The following INTS9 variants were observed in gnomAD, a reference collection of about 807,000 sequenced individuals.
The protein encoded by INTS9 is integrator complex subunit 9, also known as protein related to CPSF subunits of 74 kDa.
INTS9 carries 55 observed loss-of-function variants against 79.7 expected under a neutral mutation model. The ratio of observed to expected loss-of-function variants is 0.69; its 90% CI spans 0.56 to 0.86. The LOEUF (loss-of-function observed/expected upper bound fraction) is 0.86, where lower values mean the gene tolerates loss of function less well. INTS9 is among the 40% of genes least tolerant of loss of function. The pLI is 0.00. For missense variants in INTS9, 721 were observed against 831.5 expected, an observed-to-expected ratio of 0.87 and a Z score of 1.64; for synonymous variants, 319 against 325.2, an observed-to-expected ratio of 0.98 and a Z score of 0.20.
chr8:28,847,291 C>T (rs1344313519), intron 3 of INTS9, among the ~76,000 whole-genome samples: 2 of 152,166 alleles, frequency 1.3e-5, no homozygotes, highest in African/African-American at 2.4e-5. Context: ...GGAGTCACAA[C>T]CCTACATAAA....
intron 1 of INTS9, among the ~76,000 whole-genome samples, chr8:28,879,968 C>T: frequency 6.6e-6 from 1 of 151,970 alleles, no homozygotes; most frequent in East Asian, 1.9e-4. Flanking sequence ...GAATGAGGCA[C>T]AACTCTGAAA....
At chr8:28,795,571 C>T (rs868756653) in intron 9 of INTS9, among the ~76,000 whole-genome samples, 3 of 131,864 alleles carry the variant, frequency 2.3e-5, no homozygotes, top group Admixed American at 1.8e-4. Flanking sequence ...ACCTGGGAGG[C>T]GGAGGTTGCA....
chr8:28,804,116 G>T (rs1804673203), intron 8 of INTS9, among the ~76,000 whole-genome samples: 1 of 151,982 alleles, frequency 6.6e-6, no homozygotes, highest in South Asian at 2.1e-4. Context: ...TAGAGACGGG[G>T]TCCCACTATA....
At chr8:28,873,903 AT>A (rs1467199096) in intron 1 of INTS9, among the ~76,000 whole-genome samples, 1 of 152,156 alleles carries the variant, frequency 6.6e-6, no homozygotes, top group African/African-American at 2.4e-5. Flanking sequence ...TTCCCTCCTT[AT>A]TCATATCTGG....
At chr8:28,879,497 GA>G (rs1335415578) in intron 1 of INTS9, among the ~76,000 whole-genome samples, 1 of 152,124 alleles carries the variant, frequency 6.6e-6, no homozygotes, top group Non-Finnish European at 1.5e-5. Context: ...TTCTTCCTAA[GA>G]TGAGGAACAA....
At chr8:28,851,191 G>A (rs2131259612) in intron 2 of INTS9, among the ~76,000 whole-genome samples, 1 of 152,190 alleles carries the variant, frequency 6.6e-6, no homozygotes, top group Non-Finnish European at 1.5e-5. Context: ...CAAAGTAAGG[G>A]TGCGGGACTA....
intron 1 of INTS9, among the ~76,000 whole-genome samples, chr8:28,878,364 G>C (rs1809503806): frequency 6.6e-6 from 1 of 152,030 alleles, no homozygotes; most frequent in South Asian, 2.1e-4. Flanking sequence ...TCAGGCTGGA[G>C]TGCAGTGGAG....
chr8:28,833,945 C>T (rs1806654270), intron 6 of INTS9, among the ~76,000 whole-genome samples: 1 of 152,164 alleles, frequency 6.6e-6, no homozygotes, highest in Non-Finnish European at 1.5e-5. Context: ...CAACTCACCT[C>T]TCCGGGATTG....
chr8:28,771,007 G>T lies in INTS9; in HGVS notation c.1637C>A (p.Thr546Asn). Reference sequence around the variant, plus strand: ...CTGAAGCAAGTGCTTGTTATCTTTGGTGTGCAGCACGGCCGAGACAGTTGC... The same window carrying T: ...CTGAAGCAAGTGCTTGTTATCTTTGTTGTGCAGCACGGCCGAGACAGTTGC... ...SLATVSAVLH[T>N]KDNKHLLQPP... The change falls in exon 15 of 17, where the codon ACC becomes AAC. Residue 546 changes from threonine (T) to asparagine (N), a missense_variant. By Grantham distance (65) the Thr-to-Asn change is moderately conservative (BLOSUM62 0). Around this residue, in one of 3 missense-constraint regions of INTS9, gnomAD observed 281 missense variants for 300.8 expected, o/e 0.93. Coordinates refer to ENST00000521022, the MANE Select transcript of INTS9 (RefSeq NM_018250.4). The T allele has an allele frequency of 2.5e-6, 4 of 1,613,530 alleles. No individual in the cohort carries two copies. The highest frequency in any genetic ancestry group is 3.4e-6 in the Non-Finnish European group (4 of 1,179,858).
chr8:28,777,679 G>T lies in INTS9; in HGVS notation c.1395+150C>A, dbSNP rs1470104013. The T allele has an allele frequency of 1.0e-5, 8 of 773,466 alleles. No homozygotes were observed. In the African/African-American group the frequency reaches 1.1e-4, roughly 11 times the overall value. The allele number at this position is 773,466 out of a possible 1,614,324, so 47.9% of individuals were successfully genotyped here. ...ACCACTCCTTTTCAGTGTGGAGGGG[G>T]GCTGGCATGTGTCCCAGCATTCTGC... On this transcript the variant is annotated intron_variant, in intron 13 of 16. Transcript: ENST00000521022.
chr8:28,874,890 G>A (rs12679353), intron 1 of INTS9, among the ~76,000 whole-genome samples: 11,495 of 152,268 alleles, frequency 0.075, 615 homozygotes, highest in South Asian at 0.23. Flanking sequence ...ACATACCTGA[G>A]ATTGGGCAGT....
Position 28,793,841 on chromosome 8 carries a change from T to C in INTS9, c.1003A>G (p.Ser335Gly), listed in dbSNP as rs1323353231. The change falls in exon 10 of 17, where the codon AGT becomes GGT. Residue 335 changes from serine (S) to glycine (G), a missense_variant. By Grantham distance (56) the Ser-to-Gly change is moderately conservative (BLOSUM62 0). This residue lies in a region of INTS9 where 149 missense variants were observed against 223.7 expected (regional missense o/e 0.67). Coordinates refer to ENST00000521022, the MANE Select transcript of INTS9 (RefSeq NM_018250.4). ...AAGATCTGGGAAAACTCCAGTGAACTGTTGGCCACAGGGGAGATGAAGTAG... is the reference window on the plus strand; with the variant it reads ...AAGATCTGGGAAAACTCCAGTGAACCGTTGGCCACAGGGGAGATGAAGTAG... ...PLYFISPVANSSLEFSQIFAE... is the reference protein window; with the variant it reads ...PLYFISPVANGSLEFSQIFAE... 2.5e-6 allele frequency: 4 copies of C among 1,611,686 alleles called. No homozygotes were observed. Among genetic ancestry groups the C allele is most frequent in the South Asian group, 2.2e-5 (2 of 90,990 alleles).
Position 28,835,376 on chromosome 8 carries a change from A to G in INTS9, c.404T>C (p.Leu135Pro). ...ATEPTVQIGR[L>P]LMEELVNFIE... is the part of the protein sequence containing the mutation. ...GAAATTCACCAGCTCTTCCATGAGA[A>G]GCCTGAGTTTAAACAAAACAAGTGA... is the stretch of plus-strand genomic sequence containing the variant. The change falls in exon 6 of 17, where the codon CTT becomes CCT. Residue 135 changes from leucine to proline, a missense_variant and splice_region_variant. By Grantham distance (98) the Leu-to-Pro change is moderately conservative. Coordinates refer to ENST00000521022, the MANE Select transcript of INTS9 (RefSeq NM_018250.4). 2 of 1,612,790 alleles carry G rather than the reference A, an allele frequency of 1.2e-6. No individual in the cohort carries two copies. Among genetic ancestry groups the G allele is most frequent in the South Asian group, 2.2e-5 (2 of 91,014 alleles).
At chr8:28,880,939 T>C (rs964508261) in intron 1 of INTS9, among the ~76,000 whole-genome samples, 1 of 145,712 alleles carries the variant, frequency 6.9e-6, no homozygotes, top group Non-Finnish European at 1.5e-5. Context: ...GCGCCTCTGC[T>C]GGGCCGCAAC....
At chr8:28,859,976 G>GT (rs1808366197) in intron 1 of INTS9, among the ~76,000 whole-genome samples, 1 of 152,222 alleles carries the variant, frequency 6.6e-6, no homozygotes, top group African/African-American at 2.4e-5. Flanking sequence ...TCTAGGTATG[G>GT]TTTTCTCCCT....
In INTS9 at chr8:28,801,948, C is replaced by A. The variant is rs561412534; in HGVS notation, c.745-5293G>T. ...TCTTTAAGACCTCAAGAAAATGAGC[C>A]AATAGGAGCATTCCCCTGACCTTCA... On this transcript the variant is annotated intron_variant, in intron 8 of 16. Transcript: ENST00000521022. Among the ~76,000 whole-genome samples, 4 of 152,198 alleles carry A rather than the reference C, an allele frequency of 2.6e-5. No homozygotes were observed. In the South Asian group the frequency reaches 8.3e-4, roughly 32 times the overall value.
chr8:28,827,437 G>T (rs926854247), intron 6 of INTS9, among the ~76,000 whole-genome samples: 4 of 152,202 alleles, frequency 2.6e-5, no homozygotes, highest in Non-Finnish European at 5.9e-5. Context: ...GGCATTAAGT[G>T]TATGTTGAAT....
intron 3 of INTS9, among the ~76,000 whole-genome samples, chr8:28,849,046 G>C (rs543764959): frequency 6.6e-6 from 1 of 152,266 alleles, no homozygotes; most frequent in African/African-American, 2.4e-5. Flanking sequence ...CTTGAGGCTA[G>C]GGTGCAGTTA....
intron 16 of INTS9, among the ~76,000 whole-genome samples, chr8:28,769,236 G>A (rs1802387402): frequency 6.6e-6 from 1 of 152,210 alleles, no homozygotes; most frequent in African/African-American, 2.4e-5. Flanking sequence ...CTCCTTCCTT[G>A]TAATGATTGT....
Sources: allele counts gnomAD v4.1 joint callset (sites outside exome capture counted in the v4.1 genomes callset), GRCh38; gene constraint gnomAD v4.1.1; regional missense constraint gnomAD v4.1.1; transcripts MANE v1.5; gene names NCBI Gene and HGNC (gene_info 2026-07-23, HGNC 2026-07-21).